Variants in FBN1 observed in about 807,000 individuals in gnomAD.
FBN1 encodes fibrillin 1.
A neutral mutation model predicts 365.1 loss-of-function variants in FBN1; 29 were observed. The ratio of observed to expected loss-of-function variants is 0.08; its 90% CI spans 0.06 to 0.11. The LOEUF is 0.11. Among genes scored for constraint, FBN1 ranks in the 10% least tolerant of loss-of-function variants. The probability of loss-of-function intolerance (pLI) is 1.00; values close to 1 mark genes in which losing one functional copy is unlikely to be tolerated. For synonymous variants in FBN1, 1,210 were observed against 1,270.5 expected (o/e 0.95, Z 1.01); for missense variants, 2,476 against 3,703.2 (o/e 0.67, Z 8.60).
chr15:48,616,867 A>T lies in FBN1; in HGVS notation c.165-3775T>A, dbSNP rs992728245. 3.3e-5 allele frequency among the ~76,000 whole-genome samples: 5 copies of T among 152,330 alleles called. No homozygotes were observed. The East Asian group carries it at 9.6e-4, about 29-fold the overall frequency. On this transcript the variant is annotated intron_variant, in intron 2 of 65. Coordinates refer to ENST00000316623, the MANE Select transcript of FBN1 (RefSeq NM_000138.5). ...TATATTATTTTATTTCATCCTAATA[A>T]CAACTCTTTGAGGTAATTTTTATTG...
intron 37 of FBN1, 55 bp downstream of exon 37, chr15:48,468,357 T>C: frequency 4.4e-6 from 7 of 1,609,112 alleles, no homozygotes; most frequent in Non-Finnish European, 5.1e-6. Context: ...TTTGGTGCTG[T>C]TTTCAAAATA....
chr15:48,564,164 G>A (rs2044243451), intron 6 of FBN1, among the ~76,000 whole-genome samples: 1 of 152,232 alleles, frequency 6.6e-6, no homozygotes, highest in African/African-American at 2.4e-5. Context: ...TGACGCTGTG[G>A]CTGCCTCACC....
chr15:48,539,692 C>A (rs867031206), intron 6 of FBN1, among the ~76,000 whole-genome samples: 5 of 152,066 alleles, frequency 3.3e-5, no homozygotes, highest in African/African-American at 1.2e-4. Flanking sequence ...ACTCACCATG[C>A]CAAAAGACAA....
At chr15:48,526,310 C>T (rs949382105) in intron 8 of FBN1, 55 bp from the exon 9 acceptor site, 11 of 1,595,754 alleles carry the variant, frequency 6.9e-6, no homozygotes, top group Admixed American at 1.7e-5. Flanking sequence ...TAAAACCATT[C>T]GTCAGTAGAA....
chr15:48,644,008 A>T (rs892845598), intron 2 of FBN1: 5 of 153,358 alleles, frequency 3.3e-5, no homozygotes, highest in African/African-American at 9.6e-5. Flanking sequence ...TGCTGCAGTG[A>T]AACGGAGAGC....
At chr15:48,518,228 T>A (rs1006262519) in intron 10 of FBN1, among the ~76,000 whole-genome samples, 3 of 152,224 alleles carry the variant, frequency 2.0e-5, no homozygotes, top group Admixed American at 6.5e-5. Context: ...AGATTTATCA[T>A]CTGTACGTGC....
chr15:48,498,953 T>C (rs2141308694), intron 18 of FBN1, 32 bp downstream of exon 18: 1 of 1,607,772 alleles, frequency 6.2e-7, no homozygotes, highest in Non-Finnish European at 8.5e-7. Context: ...CTGCACATAC[T>C]GAAGGTAGTA....
chr15:48,486,850 C>G (rs911088543), intron 29 of FBN1, among the ~76,000 whole-genome samples: 1 of 152,012 alleles, frequency 6.6e-6, no homozygotes. Context: ...TTAACTGGCT[C>G]TTTAAACAGA....
intron 63 of FBN1, among the ~76,000 whole-genome samples, chr15:48,417,641 A>C (rs1467098188): frequency 2.0e-5 from 3 of 152,006 alleles, no homozygotes; most frequent in African/African-American, 7.3e-5. Context: ...TATAAATAAT[A>C]ATTTTATCTT....
intron 2 of FBN1, among the ~76,000 whole-genome samples, chr15:48,626,679 C>G (rs1889888704): frequency 6.6e-6 from 1 of 151,584 alleles, no homozygotes; most frequent in Admixed American, 6.6e-5. Flanking sequence ...GAAATTAACA[C>G]TTCACAATAT....
At chr15:48,587,351 A>T (rs1266195599) in intron 6 of FBN1, among the ~76,000 whole-genome samples, 1 of 152,246 alleles carries the variant, frequency 6.6e-6, no homozygotes, top group East Asian at 1.9e-4. Flanking sequence ...CCACTAATTT[A>T]TACATACAAA....
At chr15:48,471,100 T>C (rs1291752092) in intron 35 of FBN1, among the ~76,000 whole-genome samples, 1 of 151,946 alleles carries the variant, frequency 6.6e-6, no homozygotes, top group Non-Finnish European at 1.5e-5. Context: ...TTTTAATCTA[T>C]CTATGTAGTC....
intron 6 of FBN1, among the ~76,000 whole-genome samples, chr15:48,555,619 C>T (rs1191897034): frequency 6.6e-6 from 1 of 152,144 alleles, no homozygotes; most frequent in Non-Finnish European, 1.5e-5. Context: ...TTATAACCTA[C>T]CAAATGGTAG....
chr15:48,527,209 G>A (rs753675722), intron 8 of FBN1, among the ~76,000 whole-genome samples: 16 of 152,246 alleles, frequency 1.1e-4, no homozygotes, highest in African/African-American at 1.9e-4. Flanking sequence ...GGAGGCCAAA[G>A]CTGGGGTTAG....
rs750677373 is a variant in FBN1, at chr15:48,425,735, T to C, written c.7330+4A>G. 16 of 1,613,066 alleles carry C rather than the reference T, an allele frequency of 9.9e-6. No homozygotes were observed. In the East Asian group the frequency reaches 3.6e-4, roughly 36 times the overall value. ...AGGATAAGCCATCAGAAATAGACAC[T>C]TACCTACACAGGAAGTCCCAGTTAT... On this transcript the variant is annotated splice_donor_region_variant and intron_variant, in intron 59 of 65. Coordinates refer to ENST00000316623, the MANE Select transcript of FBN1 (RefSeq NM_000138.5).
intron 58 of FBN1, 46 bp from the exon 59 acceptor site, chr15:48,425,910 C>A (rs753453500): frequency 6.8e-7 from 1 of 1,473,660 alleles, no homozygotes; most frequent in Admixed American, 1.7e-5. Flanking sequence ...ATAAAATTGA[C>A]AACATTAATA....
chr15:48,525,996 T>G (rs535887776), intron 9 of FBN1, 134 bp downstream of exon 9: 3 of 1,214,602 alleles, frequency 2.5e-6, no homozygotes, highest in South Asian at 1.2e-5. Context: ...GTCAACTGTT[T>G]AACATTTTTC....
intron 7 of FBN1, 47 bp downstream of exon 7, chr15:48,537,564 G>C: frequency 6.2e-7 from 1 of 1,608,414 alleles, no homozygotes; most frequent in Non-Finnish European, 8.5e-7. Context: ...TGGCTCTCCA[G>C]AGCAAATAAG....
At chr15:48,616,468 A>T (rs1350779506) in intron 2 of FBN1, among the ~76,000 whole-genome samples, 1 of 152,232 alleles carries the variant, frequency 6.6e-6, no homozygotes, top group Non-Finnish European at 1.5e-5. Context: ...TTACTTATAC[A>T]CAGAAAAAAA....
Sources: allele counts gnomAD v4.1 joint callset (sites outside exome capture counted in the v4.1 genomes callset), GRCh38; gene constraint gnomAD v4.1.1; transcripts MANE v1.5; gene names NCBI Gene and HGNC (gene_info 2026-07-23, HGNC 2026-07-21).